Variants in MESD observed in about 807,000 individuals in gnomAD.
MESD encodes mesoderm development LRP chaperone.
Under a neutral mutation model 12.9 loss-of-function variants are expected in MESD, and 7 were observed. The observed-to-expected ratio is 0.54, with a 90% CI of 0.31 to 1.02. The LOEUF is 1.02. Ranked by LOEUF, MESD falls within the 50% of genes least tolerant of loss-of-function variation. MESD has a pLI of 0.05. For synonymous variants in MESD, 126 were observed against 115.6 expected, an observed-to-expected ratio of 1.09 and a Z score of -0.58; for missense variants, 342 against 296.7, an observed-to-expected ratio of 1.15 and a Z score of -1.12.
downstream of MESD, chr15:80,946,513 G>A (rs571147710): frequency 6.1e-5 from 11 of 181,580 alleles, no homozygotes; most frequent in East Asian, 1.3e-4. Flanking sequence ...CCGCCTTCCC[G>A]CACCTCCTCT....
At chr15:80,988,040 G>T (rs1394140748) in intron 1 of MESD, among the ~76,000 whole-genome samples, 2 of 152,170 alleles carry the variant, frequency 1.3e-5, no homozygotes, top group African/African-American at 4.8e-5. Flanking sequence ...CTTCTACTCT[G>T]CTCCTGCAGT....
chr15:80,963,410 G>C (rs1902122043), intron 3 of MESD, among the ~76,000 whole-genome samples: 2 of 152,184 alleles, frequency 1.3e-5, no homozygotes, highest in African/African-American at 4.8e-5. Context: ...ACAAAGAGGA[G>C]CTGGTACCAT....
At position 80,989,812 on chromosome 15, in the gene MESD, C is replaced by A. The variant is rs763416997; in HGVS notation, c.-21G>T. 36 of 1,545,790 alleles carry A rather than the reference C, an allele frequency of 2.3e-5. No individual in the cohort carries two copies. In the African/African-American group the frequency reaches 3.3e-4, roughly 14 times the overall value. On this transcript the variant is annotated 5_prime_UTR_variant, in exon 1 of 3. Transcript: ENST00000261758. ...GCCATTTTCGCTGCGCCGCGCAGCG[C>A]CCTAGACGCGCTTACCCGACCTGCG...
chr15:80,982,795 T>C (rs757878461), intron 1 of MESD, among the ~76,000 whole-genome samples: 3 of 152,142 alleles, frequency 2.0e-5, no homozygotes, highest in Non-Finnish European at 4.4e-5. Flanking sequence ...TCAAAATTTA[T>C]TGCAGGCCAG....
chr15:80,956,936 C>T (rs551753243), intron 3 of MESD, among the ~76,000 whole-genome samples: 1 of 152,076 alleles, frequency 6.6e-6, no homozygotes, highest in South Asian at 2.1e-4. Context: ...TCCTACCTCA[C>T]CCCCTGAGTA....
intron 4 of MESD, chr15:80,951,070 G>C (rs1901798913): frequency 6.6e-6 from 1 of 152,660 alleles, no homozygotes; most frequent in Admixed American, 6.5e-5. Context: ...GTCACAGGAA[G>C]GACTTCTTCC....
Position 80,982,053 on chromosome 15 carries a change from TGA to T in MESD, c.341_342del (p.Leu114HisfsTer12). 13 of 1,614,168 alleles carry T rather than the reference TGA, an allele frequency of 8.1e-6. No homozygotes were observed. Among genetic ancestry groups the T allele is most frequent in the African/African-American group, 1.3e-5 (1 of 75,038 alleles). On this transcript the variant is annotated frameshift_variant, in exon 2 of 3. Transcript: ENST00000261758. LOFTEE classifies it high-confidence loss of function. Reference protein sequence around the residue: ...ILKMTKKGKTLMMFVTVSGSP... With the variant: ...ILKMTKKGKTXMMFVTVSGSP... ...CTTCCTGATACAGTGACAAACATCA[TGA>T]GAGTCTTCCCTTTTTTCGTCATTTT...
chr15:80,977,682 G>A lies in MESD; in HGVS notation c.*1537C>T, dbSNP rs185626261. The A allele has an allele frequency of 1.3e-5, 2 of 152,370 alleles. No individual in the cohort carries two copies. Among genetic ancestry groups the A allele is most frequent in the East Asian group, 1.9e-4 (1 of 5,180 alleles). 9.4% of individuals were successfully genotyped at this position (152,370 alleles called of 1,614,324 possible). On this transcript the variant is annotated 3_prime_UTR_variant, in exon 3 of 3. Transcript: ENST00000261758. Reference sequence around the variant, plus strand: ...CACAGACAGGGCTTGGTTCAGCCACGGCATGATTCAGGGACTCGTTTATGC... The same window carrying A: ...CACAGACAGGGCTTGGTTCAGCCACAGCATGATTCAGGGACTCGTTTATGC...
intron 4 of MESD, chr15:80,951,854 G>A (rs1349875126): frequency 6.2e-6 from 1 of 161,512 alleles, no homozygotes; most frequent in African/African-American, 2.4e-5. Flanking sequence ...GATAACCTAA[G>A]ATAAACAGTT....
At chr15:80,966,507 C>A (rs1902178070) in intron 3 of MESD, among the ~76,000 whole-genome samples, 2 of 152,298 alleles carry the variant, frequency 1.3e-5, no homozygotes, top group South Asian at 4.1e-4. Context: ...GACCTGAGAG[C>A]TCAACGGGCC....
chr15:80,981,566 C>G (rs112619564), intron 2 of MESD, among the ~76,000 whole-genome samples: 1 of 151,808 alleles, frequency 6.6e-6, no homozygotes, highest in East Asian at 1.9e-4. Flanking sequence ...GGAAAAGCCC[C>G]AGCACAGGGC....
Position 80,989,683 on chromosome 15 carries a change from A to T in MESD, c.109T>A (p.Ser37Thr), listed in dbSNP as rs1893244979. 1.2e-5 allele frequency: 19 copies of T among 1,612,936 alleles called. No individual in the cohort carries two copies. The highest frequency in any genetic ancestry group is 1.5e-5 in the Non-Finnish European group (18 of 1,179,958). The change falls in exon 1 of 3, where the codon TCG becomes ACG. Residue 37 changes from serine (S) to threonine (T), a missense_variant. Transcript: ENST00000261758. ...GTAGACTCGTCGGGCGTCCCGGGCG[A>T]GCCTTCGGCCGCGCAGGACCCAGGC... ...PPPGSCAAEGSPGTPDESTPP... is the reference protein window; with the variant it reads ...PPPGSCAAEGTPGTPDESTPP...
chr15:80,986,196 G>T (rs772796374), intron 1 of MESD, among the ~76,000 whole-genome samples: 8 of 152,108 alleles, frequency 5.3e-5, no homozygotes, highest in Non-Finnish European at 1.2e-4. Context: ...ATTCTCCTTC[G>T]TATGCGGACC....
At chr15:80,965,061 C>T (rs1206024288) in intron 3 of MESD, among the ~76,000 whole-genome samples, 2 of 152,126 alleles carry the variant, frequency 1.3e-5, no homozygotes, top group African/African-American at 2.4e-5. Flanking sequence ...ATCCATCTGA[C>T]AAAGGGCTAA....
At chr15:80,974,072 C>A (rs1404380218), downstream of MESD, among the ~76,000 whole-genome samples, 1 of 152,044 alleles carries the variant, frequency 6.6e-6, no homozygotes, top group Non-Finnish European at 1.5e-5. Context: ...CCCCCCCCCA[C>A]TGGGGAGAAG....
downstream of MESD, chr15:80,946,837 G>A (rs1014069806): frequency 8.1e-5 from 58 of 717,228 alleles, no homozygotes; most frequent in African/African-American, 1.2e-4. Flanking sequence ...GCCCTTTCCC[G>A]AATCCCTGGA....
chr15:80,989,424 G>A (rs1325015578), intron 1 of MESD, among the ~76,000 whole-genome samples, 155 bp downstream of exon 1: 2 of 152,166 alleles, frequency 1.3e-5, no homozygotes, highest in Non-Finnish European at 2.9e-5. Context: ...GAGGAATGGA[G>A]GGTCAACAGT....
chr15:80,961,432 T>C (rs1195270598), intron 3 of MESD, among the ~76,000 whole-genome samples: 1 of 152,170 alleles, frequency 6.6e-6, no homozygotes, highest in African/African-American at 2.4e-5. Flanking sequence ...TGAGATGCTA[T>C]TATCCACCTA....
chr15:80,966,161 C>T lies in MESD; in HGVS notation c.*288+12770G>A, dbSNP rs115676095. On this transcript the variant is annotated intron_variant, in intron 3 of 4. Coordinates refer to the MESD transcript ENST00000561312. ...TTAGAAATAACCATTTTAGAAAATACTTAGCATAACCAATCAAGAACTTTA... is the reference window on the plus strand; with the variant it reads ...TTAGAAATAACCATTTTAGAAAATATTTAGCATAACCAATCAAGAACTTTA... Among the ~76,000 whole-genome samples the T allele has an allele frequency of 6.9e-3, 1,050 of 152,014 alleles. 16 individuals are homozygous for T. Among genetic ancestry groups the T allele is most frequent in the African/African-American group, 0.023 (971 of 41,458 alleles).
Sources: gnomAD v4.1 joint callset for allele counts (sites outside exome capture counted in the v4.1 genomes callset) on GRCh38, gnomAD v4.1.1 for gene constraint, MANE v1.5 for transcripts, NCBI Gene and HGNC (gene_info 2026-07-23, HGNC 2026-07-21) for gene names.